The following DZANK1 variants were observed in gnomAD, a reference collection of about 807,000 sequenced individuals.
DZANK1 encodes double zinc ribbon and ankyrin repeat-containing protein 1.
A neutral mutation model predicts 94.5 loss-of-function variants in DZANK1; 91 were observed. The ratio of observed to expected loss-of-function variants is 0.96; its 90% CI spans 0.81 to 1.15. DZANK1 has a LOEUF of 1.15. Ranked by LOEUF, DZANK1 falls within the 50% of genes most tolerant of loss-of-function variation. The pLI, the probability that DZANK1 is intolerant of heterozygous loss-of-function variation, is 0.00. For synonymous variants in DZANK1, 312 were observed against 325.3 expected (o/e 0.96, Z 0.44); for missense variants, 903 against 916.4 (o/e 0.99, Z 0.19).
chr20:18,433,505 G>T, intron 9 of DZANK1, 147 bp downstream of exon 9: 1 of 655,474 alleles, frequency 1.5e-6, no homozygotes, highest in Non-Finnish European at 2.6e-6. Flanking sequence ...TTGCGCTACT[G>T]CACTCCAGCC....
chr20:18,426,191 A>G (rs916580587), intron 10 of DZANK1, among the ~76,000 whole-genome samples: 18 of 152,094 alleles, frequency 1.2e-4, no homozygotes, highest in Admixed American at 1.0e-3. Flanking sequence ...AGGAGTGCAA[A>G]CCCTATTGTG....
chr20:18,400,955 A>T lies in DZANK1; in HGVS notation c.1433-2329T>A, dbSNP rs576178369. On this transcript the variant is annotated intron_variant, in intron 13 of 20. Transcript: ENST00000262547. ...ATAGATCTATACTTCTTTTTTTTTTAGACGGAGTCTTGCTCTTGTCACCCA... is the reference window on the plus strand; with the variant it reads ...ATAGATCTATACTTCTTTTTTTTTTTGACGGAGTCTTGCTCTTGTCACCCA... Among the ~76,000 whole-genome samples the T allele has an allele frequency of 1.7e-4, 26 of 151,794 alleles. No homozygotes were observed. In the South Asian group the frequency reaches 2.7e-3, roughly 16 times the overall value.
chr20:18,446,576 T>C (rs2058889383), intron 7 of DZANK1, among the ~76,000 whole-genome samples: 1 of 152,078 alleles, frequency 6.6e-6, no homozygotes, highest in Non-Finnish European at 1.5e-5. Context: ...CATATTCCCA[T>C]TAAAGAAACT....
At chr20:18,396,351 T>C in intron 15 of DZANK1, 121 bp downstream of exon 15, 6 of 773,368 alleles carry the variant, frequency 7.8e-6, no homozygotes, top group Middle Eastern at 2.4e-4. Flanking sequence ...TTGCCTCTAG[T>C]AGCATTTCAT....
At chr20:18,430,829 T>A (rs1036552656) in intron 9 of DZANK1, among the ~76,000 whole-genome samples, 2 of 151,780 alleles carry the variant, frequency 1.3e-5, no homozygotes, top group African/African-American at 2.4e-5. Flanking sequence ...AAATTAATAA[T>A]AAAAATAAAA....
chr20:18,466,866 A>T (rs1166123538), intron 1 of DZANK1, 130 bp downstream of exon 1: 1 of 152,498 alleles, frequency 6.6e-6, no homozygotes, highest in Non-Finnish European at 1.5e-5. Context: ...GGACACCTGC[A>T]TCCTTTCGGC....
chr20:18,417,573 A>G (rs2057550027), intron 10 of DZANK1, among the ~76,000 whole-genome samples: 1 of 152,234 alleles, frequency 6.6e-6, no homozygotes, highest in South Asian at 2.1e-4. Context: ...TCAACAAAAG[A>G]GAACCCTAAA....
intron 13 of DZANK1, among the ~76,000 whole-genome samples, chr20:18,400,427 C>A (rs1161131707): frequency 6.6e-6 from 1 of 152,226 alleles, no homozygotes; most frequent in Non-Finnish European, 1.5e-5. Flanking sequence ...TGAGTGAGGG[C>A]AGCCCAAGTA....
intron 3 of DZANK1, among the ~76,000 whole-genome samples, chr20:18,456,502 GAGT>G (rs2059297077): frequency 6.6e-6 from 1 of 152,184 alleles, no homozygotes; most frequent in African/African-American, 2.4e-5. Flanking sequence ...ACAATTTTGT[GAGT>G]ATCACCACAG....
chr20:18,384,452 C>T, exon 21 of DZANK1: 1 of 1,611,664 alleles, frequency 6.2e-7, no homozygotes, highest in Non-Finnish European at 8.5e-7. Flanking sequence ...TCCTCAAGCC[C>T]TTGGCCAAAC....
chr20:18,449,172 T>A (rs950449839), intron 6 of DZANK1, 103 bp from the exon 7 acceptor site: 2 of 908,838 alleles, frequency 2.2e-6, no homozygotes, highest in Non-Finnish European at 3.5e-6. Context: ...TATGGGTGAA[T>A]ACACATAGAC....
At chr20:18,461,753 C>T (rs945741607) in intron 2 of DZANK1, among the ~76,000 whole-genome samples, 1 of 152,058 alleles carries the variant, frequency 6.6e-6, no homozygotes, top group African/African-American at 2.4e-5. Flanking sequence ...GCACCCACCA[C>T]CACGCCCAGC....
chr20:18,429,944 C>T (rs2148589789), intron 9 of DZANK1, among the ~76,000 whole-genome samples: 1 of 152,284 alleles, frequency 6.6e-6, no homozygotes, highest in South Asian at 2.1e-4. Context: ...ATGGGGATGG[C>T]AAACACCTAT....
chr20:18,392,872 C>T (rs2056095008), intron 17 of DZANK1, among the ~76,000 whole-genome samples: 1 of 152,188 alleles, frequency 6.6e-6, no homozygotes, highest in Non-Finnish European at 1.5e-5. Flanking sequence ...CAGGGGAGCC[C>T]TGCAGAAGCT....
chr20:18,459,017 G>T (rs901841749), intron 3 of DZANK1, among the ~76,000 whole-genome samples: 3 of 152,160 alleles, frequency 2.0e-5, no homozygotes, highest in Non-Finnish European at 4.4e-5. Flanking sequence ...CATAAAGAAT[G>T]ACCTTATTTT....
intron 13 of DZANK1, among the ~76,000 whole-genome samples, chr20:18,409,990 G>A (rs918261566): frequency 5.9e-5 from 8 of 135,334 alleles, no homozygotes; most frequent in Non-Finnish European, 1.1e-4. Flanking sequence ...TCGGGATCAC[G>A]CCACCGCACT....
At position 18,393,912 on chromosome 20, in the gene DZANK1, A is replaced by T. The variant is rs2056169344; in HGVS notation, c.1709-101T>A. Reference sequence around the variant, plus strand: ...ACGTCCCTCAAAAGTCAGAGGATAAAATGGCTATCATAGAAATTTCTATTT... The same window carrying T: ...ACGTCCCTCAAAAGTCAGAGGATAATATGGCTATCATAGAAATTTCTATTT... On this transcript the variant is annotated intron_variant, in intron 16 of 20. Coordinates refer to ENST00000262547, the Ensembl canonical transcript of DZANK1. The T allele has an allele frequency of 5.0e-6, 4 of 796,106 alleles. No individual in the cohort carries two copies. In the East Asian group the frequency reaches 1.0e-4, roughly 20 times the overall value. 49.3% of individuals were successfully genotyped at this position (796,106 alleles called of 1,614,324 possible).
intron 3 of DZANK1, among the ~76,000 whole-genome samples, chr20:18,455,916 T>C (rs2059271322): frequency 6.6e-6 from 1 of 152,154 alleles, no homozygotes; most frequent in African/African-American, 2.4e-5. Flanking sequence ...AGTGTTTTTG[T>C]CCCAAGAAAC....
chr20:18,426,970 C>T (rs898707057), intron 10 of DZANK1, 97 bp downstream of exon 10: 5 of 826,020 alleles, frequency 6.1e-6, no homozygotes, highest in Admixed American at 7.1e-5. Context: ...TTTTTGGTCT[C>T]TCTCCCCAAC....
Sources: allele counts gnomAD v4.1 joint callset (sites outside exome capture counted in the v4.1 genomes callset), GRCh38; gene constraint gnomAD v4.1.1; transcripts MANE v1.5; gene names NCBI Gene and HGNC (gene_info 2026-07-23, HGNC 2026-07-21).